Variants in PDE8B observed in about 807,000 individuals in gnomAD.
PDE8B encodes the protein phosphodiesterase 8B, also known as high affinity cAMP-specific and IBMX-insensitive 3',5'-cyclic phosphodiesterase 8B.
PDE8B carries 26 observed loss-of-function variants against 101.3 expected under a neutral mutation model. The observed-to-expected ratio is 0.26, with a 90% CI of 0.19 to 0.36. The LOEUF is 0.36. PDE8B is among the 10% of genes least tolerant of loss of function. The pLI, the probability that PDE8B is intolerant of heterozygous loss-of-function variation, is 1.00. For synonymous variants in PDE8B, 424 were observed against 429.3 expected (o/e 0.99, Z 0.15); for missense variants, 810 against 1,163.1 (o/e 0.70, Z 4.42).
chr5:77,270,744 A>AG (rs1762608663), intron 1 of PDE8B, among the ~76,000 whole-genome samples: 1 of 152,224 alleles, frequency 6.6e-6, no homozygotes, highest in Non-Finnish European at 1.5e-5. Flanking sequence ...GGCAGAAGGA[A>AG]GAGCTAACCA....
At chr5:77,140,891 C>T in the PDE8B span, 1 of 151,824 alleles carries the variant, frequency 6.6e-6, no homozygotes, top group Admixed American at 6.6e-5. Context: ...GTACATCCAC[C>T]GTATATATAC....
At chr5:77,199,691 T>C in the PDE8B span, among the ~76,000 whole-genome samples, 6 of 152,214 alleles carry the variant, frequency 3.9e-5, no homozygotes, top group East Asian at 1.2e-3. Flanking sequence ...AGTAATTACC[T>C]AGCCAAGCCA....
At chr5:77,116,860 C>T in the PDE8B span, among the ~76,000 whole-genome samples, 4 of 152,302 alleles carry the variant, frequency 2.6e-5, no homozygotes, top group African/African-American at 9.6e-5. Context: ...CTCTAGGTAA[C>T]ATATCTGACA....
the PDE8B span, among the ~76,000 whole-genome samples, chr5:77,172,577 A>T: frequency 6.6e-6 from 1 of 152,340 alleles, no homozygotes; most frequent in East Asian, 1.9e-4. Flanking sequence ...ACATTAGAAC[A>T]CTTATATCCC....
At chr5:77,167,512 T>C in the PDE8B span, among the ~76,000 whole-genome samples, 9 of 152,244 alleles carry the variant, frequency 5.9e-5, no homozygotes, top group African/African-American at 2.2e-4. Context: ...CCCTGGCCGA[T>C]GTGCACAGCA....
chr5:77,329,856 A>G (rs1240869882), intron 4 of PDE8B, among the ~76,000 whole-genome samples: 1 of 152,118 alleles, frequency 6.6e-6, no homozygotes, highest in Non-Finnish European at 1.5e-5. Flanking sequence ...AAGGCCAGGA[A>G]AGTCTGGCCC....
chr5:77,359,487 C>T (rs1042937585), intron 10 of PDE8B, among the ~76,000 whole-genome samples: 1 of 152,124 alleles, frequency 6.6e-6, no homozygotes, highest in South Asian at 2.1e-4. Flanking sequence ...CTGCCCTGCA[C>T]GGATGGGGTT....
At chr5:77,416,059 A>C (rs1351913321) in intron 17 of PDE8B, among the ~76,000 whole-genome samples, 1 of 151,520 alleles carries the variant, frequency 6.6e-6, no homozygotes, top group East Asian at 2.0e-4. Context: ...GGGCCTTGCT[A>C]CTCTCCTCTG....
upstream of PDE8B, among the ~76,000 whole-genome samples, chr5:77,206,440 G>A (rs1220751742): frequency 6.6e-6 from 1 of 152,188 alleles, no homozygotes; most frequent in Non-Finnish European, 1.5e-5. Flanking sequence ...TTTCAAACAC[G>A]GGTTGGGAAT....
the PDE8B span, among the ~76,000 whole-genome samples, chr5:77,101,930 T>C: frequency 6.6e-6 from 1 of 152,174 alleles, no homozygotes; most frequent in African/African-American, 2.4e-5. Context: ...GATGAAAATG[T>C]TCTGGAGATG....
chr5:77,240,195 CCAGGCTGGAGTGCGGTGGCG>C (rs1755468487), intron 1 of PDE8B, among the ~76,000 whole-genome samples: 1 of 152,062 alleles, frequency 6.6e-6, no homozygotes, highest in South Asian at 2.1e-4. Context: ...GCTCTATTGC[CCAGGCTGGAGTGCGGTGGCG>C]CGATCCCGGC....
At position 77,372,829 on chromosome 5, in the gene PDE8B, C is replaced by T. The variant is rs1581308494; in HGVS notation, c.1167+19423C>T. Among the ~76,000 whole-genome samples, 6 of 152,314 alleles carry T rather than the reference C, an allele frequency of 3.9e-5. No homozygotes were observed. In the South Asian group the frequency reaches 1.2e-3, roughly 32 times the overall value. ...GGAGGCCGAGGTTAGGAGTTTGAGACTCAGCCTGACCAACATGGTGAAACA... is the reference window on the plus strand; with the variant it reads ...GGAGGCCGAGGTTAGGAGTTTGAGATTCAGCCTGACCAACATGGTGAAACA... On this transcript the variant is annotated intron_variant, in intron 10 of 21. Coordinates refer to ENST00000264917, the MANE Select transcript of PDE8B (RefSeq NM_003719.5).
chr5:77,292,862 C>A (rs1223382445), intron 1 of PDE8B, among the ~76,000 whole-genome samples: 1 of 152,006 alleles, frequency 6.6e-6, no homozygotes, highest in Non-Finnish European at 1.5e-5. Flanking sequence ...TTACTAAAAA[C>A]CTAACAATCT....
intron 2 of PDE8B, among the ~76,000 whole-genome samples, chr5:77,320,458 C>T (rs1305511833): frequency 6.6e-6 from 1 of 152,100 alleles, no homozygotes; most frequent in Non-Finnish European, 1.5e-5. Context: ...ACAGTGAGAT[C>T]GATGTGACAA....
At chr5:77,147,648 CCAGGAGA>C in the PDE8B span, 1 of 152,094 alleles carries the variant, frequency 6.6e-6, no homozygotes, top group African/African-American at 2.4e-5. Flanking sequence ...ATCCATCTTT[CCAGGAGA>C]TTCTCTCTCC....
At chr5:77,233,046 G>A (rs937272635) in intron 1 of PDE8B, among the ~76,000 whole-genome samples, 1 of 152,116 alleles carries the variant, frequency 6.6e-6, no homozygotes, top group Admixed American at 6.6e-5. Context: ...CTTGTCATTG[G>A]AGTAGGGAAA....
chr5:77,248,205 G>A (rs1197848914), intron 1 of PDE8B, among the ~76,000 whole-genome samples: 7 of 152,204 alleles, frequency 4.6e-5, no homozygotes, highest in African/African-American at 1.4e-4. Context: ...CTGCAAGCTC[G>A]ATGAGGGCAG....
intron 6 of PDE8B, among the ~76,000 whole-genome samples, chr5:77,340,822 A>G (rs1779094190): frequency 6.6e-6 from 1 of 151,942 alleles, no homozygotes; most frequent in South Asian, 2.1e-4. Context: ...TGCACTTTCC[A>G]CTCAGCATAG....
rs1389092700 is a variant in PDE8B, at chr5:77,302,516, G to A, written c.340-9478G>A. 2.6e-5 allele frequency among the ~76,000 whole-genome samples: 4 copies of A among 152,146 alleles called. No individual in the cohort carries two copies. The South Asian group carries it at 8.3e-4, about 32-fold the overall frequency. On this transcript the variant is annotated intron_variant, in intron 1 of 21. Coordinates refer to ENST00000264917, the MANE Select transcript of PDE8B (RefSeq NM_003719.5). ...CTGGGTGGCCCACTGCAGCGGGAGC[G>A]GGTGCCTTGTGCCAAACGTTGTGCA...
Sources: allele counts gnomAD v4.1 joint callset (sites outside exome capture counted in the v4.1 genomes callset), GRCh38; gene constraint gnomAD v4.1.1; transcripts MANE v1.5; gene names NCBI Gene and HGNC (gene_info 2026-07-23, HGNC 2026-07-21).